DNER: variants seen among roughly 807,000 people sequenced by gnomAD.
DNER encodes delta and Notch-like epidermal growth factor-related receptor.
In DNER, 33 loss-of-function variants were observed where a neutral mutation model predicts 78.2. The ratio of observed to expected loss-of-function variants is 0.42; its 90% CI spans 0.32 to 0.56. The LOEUF (loss-of-function observed/expected upper bound fraction) is 0.56, where lower values mean the gene tolerates loss of function less well. DNER is among the 20% of genes least tolerant of loss of function. DNER has a pLI of 0.11. For synonymous variants in DNER, 417 were observed against 384.8 expected (o/e 1.08, Z -0.98); for missense variants, 918 against 975.3 (o/e 0.94, Z 0.78).
intron 1 of DNER, among the ~76,000 whole-genome samples, chr2:229,652,822 A>G (rs183810030): frequency 6.6e-6 from 1 of 152,172 alleles, no homozygotes; most frequent in Non-Finnish European, 1.5e-5. Context: ...TGTTTTTCCC[A>G]TTGGTTACAA....
intron 7 of DNER, among the ~76,000 whole-genome samples, chr2:229,448,604 T>C (rs1488687687): frequency 2.0e-5 from 3 of 152,212 alleles, no homozygotes; most frequent in Non-Finnish European, 4.4e-5. Flanking sequence ...ACTGTGTAGG[T>C]GATTTTTATC....
intron 1 of DNER, among the ~76,000 whole-genome samples, chr2:229,627,479 G>GC (rs201332746): frequency 0.021 from 3,155 of 152,236 alleles, 43 homozygotes; most frequent in Middle Eastern, 0.034. Flanking sequence ...TTCTGGTTTA[G>GC]TGCCAGCTCC....
intron 5 of DNER, among the ~76,000 whole-genome samples, chr2:229,536,254 G>T (rs912485981): frequency 2.0e-5 from 3 of 152,174 alleles, no homozygotes; most frequent in Non-Finnish European, 4.4e-5. Flanking sequence ...GATAAGCAGG[G>T]AGGTCAGTGG....
intron 8 of DNER, among the ~76,000 whole-genome samples, chr2:229,438,976 G>T (rs1694181353): frequency 6.6e-6 from 1 of 152,130 alleles, no homozygotes; most frequent in East Asian, 1.9e-4. Context: ...GGTCCCAATT[G>T]CCTGGATTCA....
intron 11 of DNER, among the ~76,000 whole-genome samples, chr2:229,388,028 C>T (rs1299015269): frequency 6.6e-6 from 1 of 152,004 alleles, no homozygotes; most frequent in African/African-American, 2.4e-5. Context: ...GAAAGGCTGG[C>T]TTCAGACTCA....
intron 8 of DNER, among the ~76,000 whole-genome samples, chr2:229,422,284 G>A (rs1559347448): frequency 6.6e-6 from 1 of 152,044 alleles, no homozygotes; most frequent in Non-Finnish European, 1.5e-5. Flanking sequence ...ATTAGCTCAG[G>A]GCAGTATGCC....
rs193273407 is a variant in DNER, at chr2:229,576,569, G to A, written c.847+9289C>T. On this transcript the variant is annotated intron_variant, in intron 4 of 12. Transcript: ENST00000341772. Reference sequence around the variant, plus strand: ...AACATGTGGTCATCATGGTTGCAAGGAGCTATGGCATGGTCCAATCTCTCT... The same window carrying A: ...AACATGTGGTCATCATGGTTGCAAGAAGCTATGGCATGGTCCAATCTCTCT... Among the ~76,000 whole-genome samples, 138 of 152,222 alleles carry A rather than the reference G, an allele frequency of 9.1e-4. 1 individual carries two copies. Among genetic ancestry groups the A allele is most frequent in the African/African-American group, 3.1e-3 (130 of 41,548 alleles).
intron 7 of DNER, among the ~76,000 whole-genome samples, chr2:229,471,391 G>C (rs921555734): frequency 1.3e-5 from 2 of 152,038 alleles, no homozygotes; most frequent in African/African-American, 4.8e-5. Context: ...CTTGGAGCTT[G>C]TTGCAGTGGA....
chr2:229,394,673 G>A (rs73098287), intron 10 of DNER, among the ~76,000 whole-genome samples: 5,108 of 152,260 alleles, frequency 0.034, 134 homozygotes, highest in African/African-American at 0.073. Context: ...GCCATCTGTC[G>A]CACTGCAGTA....
intron 1 of DNER, among the ~76,000 whole-genome samples, chr2:229,683,240 GGAT>G (rs939291459): frequency 2.0e-5 from 3 of 152,088 alleles, no homozygotes; most frequent in African/African-American, 7.2e-5. Flanking sequence ...CCCATTTTAT[GGAT>G]GAGGAAACCA....
chr2:229,511,152 C>A (rs1392815106), intron 6 of DNER, among the ~76,000 whole-genome samples: 1 of 152,122 alleles, frequency 6.6e-6, no homozygotes, highest in Non-Finnish European at 1.5e-5. Context: ...TACTTAATAA[C>A]CCCCATGCCC....
rs113820870 is a variant in DNER, at chr2:229,546,802, TAGACAGAC to T, written c.993+137_993+144del. On this transcript the variant is annotated intron_variant, in intron 5 of 12. Coordinates refer to ENST00000341772, the MANE Select transcript of DNER (RefSeq NM_139072.4). ...ACAGATAGACAGATAGATAGATAGA[TAGACAGAC>T]AGACAGACAGACAGACAGACAGATA... 4.8e-4 allele frequency: 536 copies of T among 1,107,884 alleles called. 1 individual carries two copies. Among genetic ancestry groups the T allele is most frequent in the East Asian group, 2.7e-3 (110 of 41,260 alleles). The allele number at this position is 1,107,884 out of a possible 1,614,324, so 68.6% of individuals were successfully genotyped here.
At chr2:229,472,461 G>C (rs1668923538) in intron 7 of DNER, among the ~76,000 whole-genome samples, 1 of 152,114 alleles carries the variant, frequency 6.6e-6, no homozygotes, top group African/African-American at 2.4e-5. Context: ...ATTCCCAGTG[G>C]AAGGGAGATG....
At chr2:229,577,743 C>T (rs1697329622) in intron 4 of DNER, among the ~76,000 whole-genome samples, 1 of 152,124 alleles carries the variant, frequency 6.6e-6, no homozygotes, top group African/African-American at 2.4e-5. Context: ...TCCAGGGTGC[C>T]AGTGTGCTAG....
At chr2:229,596,722 T>G (rs1296662802) in intron 1 of DNER, among the ~76,000 whole-genome samples, 1 of 152,254 alleles carries the variant, frequency 6.6e-6, no homozygotes, top group Non-Finnish European at 1.5e-5. Flanking sequence ...ATACCCTAAG[T>G]GCTCTTGTCT....
intron 1 of DNER, among the ~76,000 whole-genome samples, chr2:229,601,170 T>G (rs1375032221): frequency 6.6e-6 from 1 of 152,208 alleles, no homozygotes; most frequent in Non-Finnish European, 1.5e-5. Context: ...AAACAGGAAT[T>G]GCAGTGGTTG....
intron 8 of DNER, among the ~76,000 whole-genome samples, chr2:229,426,796 T>A (rs1693888700): frequency 6.6e-6 from 1 of 152,244 alleles, no homozygotes; most frequent in African/African-American, 2.4e-5. Context: ...TAAACGAACC[T>A]GCTGGTTTTG....
At chr2:229,550,463 C>T (rs1470692870) in intron 4 of DNER, among the ~76,000 whole-genome samples, 1 of 152,084 alleles carries the variant, frequency 6.6e-6, no homozygotes, top group Non-Finnish European at 1.5e-5. Context: ...TAGACGTTTC[C>T]TCACAATTTG....
At position 229,626,313 on chromosome 2, in the gene DNER, G is replaced by A. The variant is rs544446820; in HGVS notation, c.277-34425C>T. ...ATTGAGTGAAGGAGGAACGCAATCC[G>A]CTGTTCAAACCATTACATGCAACTC... On this transcript the variant is annotated intron_variant, in intron 1 of 12. Coordinates refer to ENST00000341772, the MANE Select transcript of DNER (RefSeq NM_139072.4). Among the ~76,000 whole-genome samples the A allele has an allele frequency of 3.9e-5, 6 of 152,280 alleles. No homozygotes were observed. The East Asian group carries it at 1.2e-3, about 29-fold the overall frequency.
Sources: allele counts gnomAD v4.1 joint callset (sites outside exome capture counted in the v4.1 genomes callset), GRCh38; gene constraint gnomAD v4.1.1; transcripts MANE v1.5; gene names NCBI Gene and HGNC (gene_info 2026-07-23, HGNC 2026-07-21).